Variants in AFF1 observed in about 807,000 individuals in gnomAD.
The protein encoded by AFF1 is ALF transcription elongation factor 1.
AFF1 carries 48 observed loss-of-function variants against 121.7 expected under a neutral mutation model. The ratio of observed to expected loss-of-function variants is 0.39; its 90% CI spans 0.31 to 0.50. The LOEUF (loss-of-function observed/expected upper bound fraction) is 0.50. Ranked by LOEUF, AFF1 falls within the 20% of genes least tolerant of loss-of-function variation. The pLI is 0.76. For synonymous variants in AFF1, 613 were observed against 563.0 expected, an observed-to-expected ratio of 1.09 and a Z score of -1.26; for missense variants, 1,523 against 1,511.7, an observed-to-expected ratio of 1.01 and a Z score of -0.12.
Position 87,136,908 on chromosome 4 carries a change from T to C in AFF1, c.*1207T>C, listed in dbSNP as rs550234675. ...GTTGATTAGACTTTTGAAAAACTCA[T>C]CACCACATGCCTTCACTCCAGAGTG... is the stretch of plus-strand genomic sequence containing the variant. On this transcript the variant is annotated 3_prime_UTR_variant, in exon 21 of 21. Transcript: ENST00000395146. 2 of 221,194 alleles carry C rather than the reference T, an allele frequency of 9.0e-6. No individual in the cohort carries two copies. Among genetic ancestry groups the C allele is most frequent in the South Asian group, 1.8e-4 (1 of 5,416 alleles). The allele number at this position is 221,194 out of a possible 1,614,324, so 13.7% of individuals were successfully genotyped here.
At chr4:87,066,145 C>G (rs1018409121) in intron 4 of AFF1, among the ~76,000 whole-genome samples, 1 of 152,152 alleles carries the variant, frequency 6.6e-6, no homozygotes, top group Non-Finnish European at 1.5e-5. Flanking sequence ...ATCATTTTTA[C>G]TTATTGATTG....
intron 2 of AFF1, among the ~76,000 whole-genome samples, chr4:86,957,564 A>G (rs1721830379): frequency 6.6e-6 from 1 of 151,892 alleles, no homozygotes; most frequent in Admixed American, 6.6e-5. Flanking sequence ...TTTTCTTGAG[A>G]TGGAATCTCA....
At chr4:86,971,677 C>T (rs1484907040) in intron 2 of AFF1, among the ~76,000 whole-genome samples, 1 of 152,186 alleles carries the variant, frequency 6.6e-6, no homozygotes, top group Non-Finnish European at 1.5e-5. Context: ...AATAGCAATA[C>T]TCTATCTTTA....
intron 2 of AFF1, among the ~76,000 whole-genome samples, chr4:86,999,812 CTT>C (rs10528715): frequency 0.039 from 5,887 of 152,182 alleles, 193 homozygotes; most frequent in African/African-American, 0.092. Context: ...GCCGACTTCT[CTT>C]GGTGTAAGAA....
intron 11 of AFF1, among the ~76,000 whole-genome samples, chr4:87,109,999 C>G (rs1726299620): frequency 6.6e-6 from 1 of 152,060 alleles, no homozygotes; most frequent in Admixed American, 6.5e-5. Flanking sequence ...ACATCTCTTT[C>G]CTTTTACAAT....
intron 7 of AFF1, 30 bp from the exon 8 acceptor site, chr4:87,094,885 G>A (rs769584732): frequency 6.2e-7 from 1 of 1,607,146 alleles, no homozygotes; most frequent in South Asian, 1.1e-5. Flanking sequence ...ATGTGTCATT[G>A]TGCTGCTTTG....
chr4:87,023,589 G>A (rs1272309601), intron 2 of AFF1, among the ~76,000 whole-genome samples: 6 of 152,186 alleles, frequency 3.9e-5, no homozygotes, highest in Non-Finnish European at 5.9e-5. Context: ...TAAAAAAAGT[G>A]TAGATAGTTT....
At chr4:87,006,437 C>A (rs1376159192) in intron 2 of AFF1, among the ~76,000 whole-genome samples, 1 of 152,178 alleles carries the variant, frequency 6.6e-6, no homozygotes, top group Admixed American at 6.5e-5. Context: ...CTTGTCAATC[C>A]CTTCATTGCT....
rs1433554148 is a variant in AFF1, at chr4:86,995,995, G to C, written c.38+47424G>C. Among the ~76,000 whole-genome samples, 382 of 115,042 alleles carry C rather than the reference G, an allele frequency of 3.3e-3. 4 individuals are homozygous for C. Among genetic ancestry groups the C allele is most frequent in the African/African-American group, 8.9e-3 (332 of 37,442 alleles). 75.5% of individuals were successfully genotyped at this position (115,042 alleles called of 152,430 possible). A position where few individuals can be genotyped will look rare whatever the true frequency, so the allele number is the denominator to read the frequency against. On this transcript the variant is annotated intron_variant, in intron 2 of 20. Coordinates refer to ENST00000395146, the MANE Select transcript of AFF1 (RefSeq NM_001166693.3). ...GAGAAGTGAGGAGCCCCTCCGCCCGGCAGCCGCCCCGTCTGAGAAGTGAGG... is the reference window on the plus strand; with the variant it reads ...GAGAAGTGAGGAGCCCCTCCGCCCGCCAGCCGCCCCGTCTGAGAAGTGAGG...
At chr4:86,940,553 C>T (rs1353325294) in intron 1 of AFF1, among the ~76,000 whole-genome samples, 3 of 152,086 alleles carry the variant, frequency 2.0e-5, no homozygotes, top group Admixed American at 2.0e-4. Context: ...CATGTGCCAC[C>T]ACGACCAGCT....
intron 2 of AFF1, among the ~76,000 whole-genome samples, chr4:86,986,814 T>C (rs1724320719): frequency 6.6e-6 from 1 of 152,138 alleles, no homozygotes; most frequent in Non-Finnish European, 1.5e-5. Context: ...TATCAAGTAA[T>C]AAACATTTTA....
chr4:87,055,578 A>G (rs1195657002), intron 4 of AFF1, among the ~76,000 whole-genome samples: 1 of 152,130 alleles, frequency 6.6e-6, no homozygotes, highest in Non-Finnish European at 1.5e-5. Context: ...ATCTTCCCAG[A>G]CTGCATGTGC....
At chr4:86,945,388 G>A (rs1019427712) in intron 1 of AFF1, among the ~76,000 whole-genome samples, 3 of 139,996 alleles carry the variant, frequency 2.1e-5, no homozygotes, top group African/African-American at 8.2e-5. Context: ...GCAGTGGTGT[G>A]ATCACAGCTC....
chr4:87,090,568 T>C (rs1050991608), intron 6 of AFF1, among the ~76,000 whole-genome samples: 1 of 152,246 alleles, frequency 6.6e-6, no homozygotes. Context: ...TCCTTTTTTT[T>C]AATTTATACT....
chr4:86,938,912 G>A (rs545844975), intron 1 of AFF1, among the ~76,000 whole-genome samples: 1 of 152,240 alleles, frequency 6.6e-6, no homozygotes, highest in South Asian at 2.1e-4. Flanking sequence ...TAAATTATCT[G>A]GCCCATTTTA....
chr4:87,061,857 G>A (rs190804098), intron 4 of AFF1, among the ~76,000 whole-genome samples: 2 of 50,154 alleles, frequency 4.0e-5, no homozygotes, highest in African/African-American at 2.5e-4. Flanking sequence ...TTAAAAAAAT[G>A]TGATTGATTT....
At chr4:86,993,874 G>C (rs1261203778) in intron 2 of AFF1, among the ~76,000 whole-genome samples, 1 of 152,214 alleles carries the variant, frequency 6.6e-6, no homozygotes, top group Non-Finnish European at 1.5e-5. Flanking sequence ...TAAGGCAGGA[G>C]AATCATGTGA....
intron 5 of AFF1, among the ~76,000 whole-genome samples, chr4:87,084,588 AT>A (rs1484611974): frequency 6.8e-6 from 1 of 146,110 alleles, no homozygotes; most frequent in Non-Finnish European, 1.5e-5. Flanking sequence ...AAATAAATAA[AT>A]AAATAAATAA....
At chr4:87,038,755 A>G (rs1474324168) in intron 2 of AFF1, among the ~76,000 whole-genome samples, 1 of 152,220 alleles carries the variant, frequency 6.6e-6, no homozygotes, top group Non-Finnish European at 1.5e-5. Flanking sequence ...TCCTTTCCAG[A>G]GTTAATGTAC....
Sources: gnomAD v4.1 joint callset for allele counts (sites outside exome capture counted in the v4.1 genomes callset) on GRCh38, gnomAD v4.1.1 for gene constraint, MANE v1.5 for transcripts, NCBI Gene and HGNC (gene_info 2026-07-23, HGNC 2026-07-21) for gene names.